Variants in PUS7L observed in about 807,000 individuals in gnomAD.
PUS7L encodes the protein pseudouridine synthase 7 like.
Under a neutral mutation model 51.1 loss-of-function variants are expected in PUS7L, and 49 were observed. That is an observed-to-expected ratio of 0.96 (90% confidence interval 0.76 to 1.22). The LOEUF (loss-of-function observed/expected upper bound fraction) is 1.22, where lower values mean the gene tolerates loss of function less well. PUS7L is among the 50% of genes most tolerant of loss of function. PUS7L has a pLI of 0.00. For synonymous variants in PUS7L, 277 were observed against 276.2 expected (o/e 1.00, Z -0.03); for missense variants, 828 against 820.6 (o/e 1.01, Z -0.11).
chr12:43,745,640 C>T lies in PUS7L; in HGVS notation c.1263+406G>A, dbSNP rs573287433. The stretch of plus-strand genomic sequence containing the variant: ...TCAACCAGTCTCAGGTATGTCCTTA[C>T]TAGCAGTGTGAGAATGGACTAATAC... On this transcript the variant is annotated intron_variant, in intron 4 of 8. Transcript: ENST00000344862. Among the ~76,000 whole-genome samples, 235 of 152,238 alleles carry T rather than the reference C, an allele frequency of 1.5e-3. 1 individual carries two copies. Among genetic ancestry groups the T allele is most frequent in the Non-Finnish European group, 2.9e-3 (197 of 68,016 alleles).
At chr12:43,748,880 C>T (rs534772817) in intron 2 of PUS7L, among the ~76,000 whole-genome samples, 1 of 152,166 alleles carries the variant, frequency 6.6e-6, no homozygotes, top group South Asian at 2.1e-4. Context: ...CACACCACCA[C>T]GCCCAGCTAA....
At position 43,744,670 on chromosome 12, in the gene PUS7L, C is replaced by G. The variant is rs143060476; in HGVS notation, c.1263+1376G>C. Among the ~76,000 whole-genome samples, 932 of 152,258 alleles carry G rather than the reference C, an allele frequency of 6.1e-3. 10 individuals carry two copies. Among genetic ancestry groups the G allele is most frequent in the African/African-American group, 0.021 (855 of 41,544 alleles). ...GATGAAAGTGCTGGATTTAAAAGAT[C>G]TTTAGTTGGAAGATATTTTCCTAAC... On this transcript the variant is annotated intron_variant, in intron 4 of 8. Coordinates refer to ENST00000344862, the MANE Select transcript of PUS7L (RefSeq NM_031292.5).
At chr12:43,758,487 C>G (rs557154327) in intron 1 of PUS7L, 1 of 985,642 alleles carries the variant, frequency 1.0e-6, no homozygotes, top group African/African-American at 1.7e-5. Flanking sequence ...TCACAGAAAA[C>G]TAGGGCGTCG....
At chr12:43,739,067 T>C (rs1937754185) in intron 5 of PUS7L, 1 of 154,430 alleles carries the variant, frequency 6.5e-6, no homozygotes, top group Admixed American at 6.6e-5. Context: ...GAAGACAATG[T>C]CCAGATCAAA....
In PUS7L at chr12:43,721,129, T is replaced by A. The variant is rs1944392699; in HGVS notation, c.*9247A>T. ...AATTCAGAGATAAGCAGATATTAAA[T>A]AATCACTAGCTAGGCAAAGTGGAAA... On this transcript the variant is annotated 3_prime_UTR_variant, in exon 9 of 9. Coordinates refer to ENST00000344862, the MANE Select transcript of PUS7L (RefSeq NM_031292.5). 1 of 152,136 alleles carries A rather than the reference T, an allele frequency of 6.6e-6. No homozygotes were observed. The highest frequency in any genetic ancestry group is 1.5e-5 in the Non-Finnish European group (1 of 68,002). The allele number at this position is 152,136 out of a possible 1,614,324, so 9.4% of individuals were successfully genotyped here.
chr12:43,738,680 G>T (rs1489357611), intron 5 of PUS7L: 1 of 326,376 alleles, frequency 3.1e-6, no homozygotes. Context: ...AAATATTAAA[G>T]TTAAAATGTA....
intron 2 of PUS7L, among the ~76,000 whole-genome samples, chr12:43,753,076 A>G (rs1041855507): frequency 6.6e-6 from 1 of 152,190 alleles, no homozygotes; most frequent in African/African-American, 2.4e-5. Context: ...AAGATAAATA[A>G]GAATTCCTAG....
intron 2 of PUS7L, among the ~76,000 whole-genome samples, chr12:43,751,356 C>A (rs1448097277): frequency 1.5e-5 from 2 of 135,912 alleles, no homozygotes; most frequent in Non-Finnish European, 3.1e-5. Flanking sequence ...CCTCCCCCCA[C>A]TCCACAACAG....
Position 43,727,122 on chromosome 12 carries a change from A to C in PUS7L, c.*3254T>G, listed in dbSNP as rs748780967. On this transcript the variant is annotated 3_prime_UTR_variant, in exon 9 of 9. Transcript: ENST00000344862. ...ACTAATCATTAGGGAAATGCAAATC[A>C]AAACCACAACGAGATACCATCTCAC... 2 of 152,198 alleles carry C rather than the reference A, an allele frequency of 1.3e-5. No homozygotes were observed. The highest frequency in any genetic ancestry group is 2.9e-5 in the Non-Finnish European group (2 of 68,034). The allele number at this position is 152,198 out of a possible 1,614,324, so 9.4% of individuals were successfully genotyped here.
chr12:43,756,856 A>G (rs1463362685), intron 1 of PUS7L, among the ~76,000 whole-genome samples: 2 of 152,226 alleles, frequency 1.3e-5, no homozygotes, highest in Non-Finnish European at 2.9e-5. Context: ...AACCAGCCAG[A>G]ATGGTCTTAA....
At chr12:43,745,612 A>C (rs1218690683) in intron 4 of PUS7L, among the ~76,000 whole-genome samples, 2 of 152,186 alleles carry the variant, frequency 1.3e-5, no homozygotes, top group East Asian at 3.8e-4. Context: ...TTTCCTTCAT[A>C]AATCAACCAG....
Position 43,738,394 on chromosome 12 carries a change from T to TA in PUS7L, c.1363-4dup, listed in dbSNP as rs1276782427. On this transcript the variant is annotated splice_region_variant and splice_polypyrimidine_tract_variant and intron_variant, in intron 5 of 8. Transcript: ENST00000344862. ...AGAAACAATTTTATGGCTTTCATCT[T>TA]AAAAAATCAAGCAGGTAAACATGTG... The TA allele has an allele frequency of 7.2e-6, 11 of 1,527,514 alleles. No homozygotes were observed. The highest frequency in any genetic ancestry group is 5.7e-5 in the South Asian group (5 of 87,852). The allele number at this position is 1,527,514 out of a possible 1,614,324, so 94.6% of individuals were successfully genotyped here.
chr12:43,758,635 C>G (rs1592193883), intron 1 of PUS7L, 95 bp downstream of exon 1: 1 of 955,622 alleles, frequency 1.0e-6, no homozygotes. Flanking sequence ...GGGTATGGAT[C>G]CTCAATGCCA....
intron 7 of PUS7L, among the ~76,000 whole-genome samples, chr12:43,733,477 T>C (rs1230638202): frequency 6.6e-6 from 1 of 152,212 alleles, no homozygotes; most frequent in Non-Finnish European, 1.5e-5. Context: ...CTGCAAAATA[T>C]GTAGGAGAAA....
chr12:43,743,061 A>G (rs932090086), intron 4 of PUS7L, among the ~76,000 whole-genome samples: 1 of 152,180 alleles, frequency 6.6e-6, no homozygotes, highest in African/African-American at 2.4e-5. Context: ...ACCTGAGACA[A>G]TGGAGCCACT....
At chr12:43,758,652 T>TGGGGGGGGGGGGGCGGC in intron 1 of PUS7L, 78 bp downstream of exon 1, 1 of 708,238 alleles carries the variant, frequency 1.4e-6, no homozygotes, top group Non-Finnish European at 1.6e-6. Flanking sequence ...GCCAACCTCG[T>TGGGGGGGGGGGGGCGGC]CACCCCCCCC....
Position 43,723,093 on chromosome 12 carries a change from T to C in PUS7L, c.*7283A>G, listed in dbSNP as rs998933388. 3 of 152,160 alleles carry C rather than the reference T, an allele frequency of 2.0e-5. No individual in the cohort carries two copies. Among genetic ancestry groups the C allele is most frequent in the Non-Finnish European group, 4.4e-5 (3 of 67,982 alleles). 9.4% of individuals were successfully genotyped at this position (152,160 alleles called of 1,614,324 possible). ...ATTTAATATATCTTATATTTTGTAA[T>C]ATGTTCTAAAGACTAAATTTAAATA... On this transcript the variant is annotated 3_prime_UTR_variant, in exon 9 of 9. Coordinates refer to ENST00000344862, the MANE Select transcript of PUS7L (RefSeq NM_031292.5).
intron 8 of PUS7L, 36 bp from the exon 9 acceptor site, chr12:43,730,738 C>T: frequency 7.3e-7 from 1 of 1,378,734 alleles, no homozygotes. Context: ...ATGAAAATAG[C>T]CTTCAAAAAG....
At chr12:43,734,134 G>C (rs990025172) in intron 7 of PUS7L, among the ~76,000 whole-genome samples, 1 of 152,156 alleles carries the variant, frequency 6.6e-6, no homozygotes, top group Non-Finnish European at 1.5e-5. Context: ...ACATACTGCA[G>C]TTCACACTTT....
Sources: gnomAD v4.1 joint callset for allele counts (sites outside exome capture counted in the v4.1 genomes callset) on GRCh38, gnomAD v4.1.1 for gene constraint, MANE v1.5 for transcripts, NCBI Gene and HGNC (gene_info 2026-07-23, HGNC 2026-07-21) for gene names.